KIF1B: variants seen among roughly 807,000 people sequenced by gnomAD.
KIF1B encodes kinesin-like protein KIF1B.
In KIF1B, 76 loss-of-function variants were observed where a neutral mutation model predicts 241.9. The observed-to-expected ratio is 0.31, with a 90% CI of 0.26 to 0.38. The LOEUF (loss-of-function observed/expected upper bound fraction) is 0.38, where lower values mean the gene tolerates loss of function less well. Among genes scored for constraint, KIF1B ranks in the 10% least tolerant of loss-of-function variants. The pLI, the probability that KIF1B is intolerant of heterozygous loss-of-function variation, is 1.00. For missense variants in KIF1B, 1,622 were observed against 2,271.4 expected (o/e 0.71, Z 5.81); for synonymous variants, 750 against 796.7 (o/e 0.94, Z 0.99).
In KIF1B at chr1:10,304,361, C is replaced by A. The variant is rs150769714; in HGVS notation, c.2115+7115C>A. On this transcript the variant is annotated intron_variant, in intron 22 of 48. Transcript: ENST00000676179. Reference sequence around the variant, plus strand: ...AGCAATTCTCTCAATAATGGCCAGCCGAAAAGTACGCGCTGCCAGGCATCT... The same window carrying A: ...AGCAATTCTCTCAATAATGGCCAGCAGAAAAGTACGCGCTGCCAGGCATCT... 1.2e-5 allele frequency: 20 copies of A among 1,614,056 alleles called. No homozygotes were observed. The African/African-American group carries it at 2.7e-4, about 22-fold the overall frequency.
chr1:10,364,935 G>A (rs1031086193), intron 41 of KIF1B, among the ~76,000 whole-genome samples, 165 bp from the exon 42 acceptor site: 1 of 151,594 alleles, frequency 6.6e-6, no homozygotes, highest in African/African-American at 2.4e-5. Flanking sequence ...GAACCCAGGA[G>A]GCGGAGCTTG....
In KIF1B at chr1:10,378,191, A is replaced by G. The variant is rs1638936285; in HGVS notation, c.*1604A>G. On this transcript the variant is annotated 3_prime_UTR_variant, in exon 49 of 49. Transcript: ENST00000676179. ...GTGACCACTACTCCAAACAAAACACAATATGCCTAGGGGCACGGATGAACG... is the reference window on the plus strand; with the variant it reads ...GTGACCACTACTCCAAACAAAACACGATATGCCTAGGGGCACGGATGAACG... 4.8e-6 allele frequency: 3 copies of G among 631,506 alleles called. No homozygotes were observed. In the South Asian group the frequency reaches 5.6e-5, roughly 12 times the overall value. The allele number at this position is 631,506 out of a possible 1,614,324, so 39.1% of individuals were successfully genotyped here.
At position 10,242,064 on chromosome 1, in the gene KIF1B, A is replaced by G. The variant is rs532442484; in HGVS notation, c.106+9630A>G. On this transcript the variant is annotated intron_variant, in intron 2 of 48. Transcript: ENST00000676179. ...GTGTTTAGGGATGAATGCCTTGTAC[A>G]TACATACAGGTGATAAGAATAAGAA... 9.2e-5 allele frequency among the ~76,000 whole-genome samples: 14 copies of G among 152,342 alleles called. No homozygotes were observed. The East Asian group carries it at 1.3e-3, about 15-fold the overall frequency.
intron 27 of KIF1B, among the ~76,000 whole-genome samples, chr1:10,328,335 TG>T (rs1162378628): frequency 6.6e-6 from 1 of 152,222 alleles, no homozygotes; most frequent in Middle Eastern, 3.2e-3. Context: ...AAGCCTCAAG[TG>T]TAACTGTAGG....
chr1:10,238,826 A>G (rs541940281), intron 2 of KIF1B, among the ~76,000 whole-genome samples: 1 of 152,372 alleles, frequency 6.6e-6, no homozygotes, highest in South Asian at 2.1e-4. Flanking sequence ...ATGTAAATGC[A>G]TGTAAATTAT....
At chr1:10,214,499 A>G (rs1302509067) in intron 1 of KIF1B, among the ~76,000 whole-genome samples, 1 of 146,600 alleles carries the variant, frequency 6.8e-6, no homozygotes, top group Admixed American at 6.7e-5. Context: ...CATGTTGGCC[A>G]GGCAGGTCTC....
chr1:10,252,087 T>G (rs1181106418), intron 2 of KIF1B, among the ~76,000 whole-genome samples: 1 of 152,190 alleles, frequency 6.6e-6, no homozygotes, highest in Non-Finnish European at 1.5e-5. Flanking sequence ...TTGCCCAGGC[T>G]GGAGTGCAGT....
Position 10,380,349 on chromosome 1 carries a change from T to G in KIF1B, c.*3762T>G, listed in dbSNP as rs1638990458. On this transcript the variant is annotated 3_prime_UTR_variant, in exon 49 of 49. Transcript: ENST00000676179. Reference sequence around the variant, plus strand: ...TCCAATGGACAGTATCAGGGCTTGTTTGACTTAGGTCTTTCAGTTTTCCTT... The same window carrying G: ...TCCAATGGACAGTATCAGGGCTTGTGTGACTTAGGTCTTTCAGTTTTCCTT... 4.9e-6 allele frequency: 1 copy of G among 205,154 alleles called. No homozygotes were observed. The highest frequency in any genetic ancestry group is 2.3e-5 in the African/African-American group (1 of 43,674). The allele number at this position is 205,154 out of a possible 1,614,324, so 12.7% of individuals were successfully genotyped here.
rs1267557716 is a variant in KIF1B, at chr1:10,239,594, TTTTTA to T, written c.106+7173_106+7177del. On this transcript the variant is annotated intron_variant, in intron 2 of 48. Coordinates refer to ENST00000676179, the MANE Select transcript of KIF1B (RefSeq NM_001365951.3). ...GATATTGAACCGTTTTCATTTTTAT[TTTTTA>T]TTTTATTTTATTATTATTATTTTTT... is the stretch of plus-strand genomic sequence containing the variant. Among the ~76,000 whole-genome samples, 4 of 152,064 alleles carry T rather than the reference TTTTTA, an allele frequency of 2.6e-5. No homozygotes were observed. The East Asian group carries it at 7.7e-4, about 29-fold the overall frequency.
intron 22 of KIF1B, among the ~76,000 whole-genome samples, chr1:10,300,256 A>AATT (rs1650473073): frequency 6.7e-6 from 1 of 148,444 alleles, no homozygotes; most frequent in Admixed American, 6.7e-5. Flanking sequence ...TAATAATAAT[A>AATT]ATAATAATAA....
intron 1 of KIF1B, chr1:10,211,747 C>T (rs1479733511): frequency 6.6e-6 from 1 of 151,854 alleles, no homozygotes; most frequent in African/African-American, 2.4e-5. Flanking sequence ...AGGTAAACTG[C>T]CTTCAAGATT....
chr1:10,346,474 C>T (rs189897372), intron 35 of KIF1B, among the ~76,000 whole-genome samples: 1 of 152,216 alleles, frequency 6.6e-6, no homozygotes, highest in African/African-American at 2.4e-5. Flanking sequence ...AAGCGATTCT[C>T]CTGCCTCAGC....
rs949357631 is a variant in KIF1B, at chr1:10,326,462, T to C, written c.2924+103T>C. ...ATAACCTTGCATTAGCCAATTCAAC[T>C]CATGAATGCTCTTTTTCAAGTTCTC... is the stretch of plus-strand genomic sequence containing the variant. On this transcript the variant is annotated intron_variant, in intron 27 of 48. Coordinates refer to ENST00000676179, the MANE Select transcript of KIF1B (RefSeq NM_001365951.3). The surrounding 1 kb of genome is among the most constrained non-coding windows in gnomAD (Gnocchi z 5.2). The C allele has an allele frequency of 9.3e-5, 130 of 1,399,084 alleles. No individual in the cohort carries two copies. Among genetic ancestry groups the C allele is most frequent in the Non-Finnish European group, 1.2e-4 (119 of 994,318 alleles). The allele number at this position is 1,399,084 out of a possible 1,614,324, so 86.7% of individuals were successfully genotyped here. A position where few individuals can be genotyped will look rare whatever the true frequency, so the allele number is the denominator to read the frequency against.
chr1:10,259,064 T>G (rs1647961319), intron 4 of KIF1B, among the ~76,000 whole-genome samples: 2 of 152,188 alleles, frequency 1.3e-5, no homozygotes, highest in African/African-American at 4.8e-5. Flanking sequence ...TTTTTGGTTT[T>G]TTTGATAGCC....
At chr1:10,228,135 A>T (rs972593897) in intron 1 of KIF1B, among the ~76,000 whole-genome samples, 1 of 152,102 alleles carries the variant, frequency 6.6e-6, no homozygotes, top group Non-Finnish European at 1.5e-5. Context: ...CAGTGAGCCA[A>T]GATCATGCCA....
In KIF1B at chr1:10,222,635, G is replaced by A. The variant is rs893353377; in HGVS notation, c.-79-9615G>A. ...TCCTTATAATCCGAAGTGCCTTTGA[G>A]GGCAAGTGGGAATTCTACAAGATCA... is the stretch of plus-strand genomic sequence containing the variant. On this transcript the variant is annotated intron_variant, in intron 1 of 48. Coordinates refer to ENST00000676179, the MANE Select transcript of KIF1B (RefSeq NM_001365951.3). 2.0e-5 allele frequency among the ~76,000 whole-genome samples: 3 copies of A among 152,118 alleles called. No individual in the cohort carries two copies. The South Asian group carries it at 6.2e-4, about 31-fold the overall frequency.
chr1:10,321,439 CCTT>C (rs1461739046), intron 23 of KIF1B, among the ~76,000 whole-genome samples: 1 of 151,544 alleles, frequency 6.6e-6, no homozygotes, highest in Non-Finnish European at 1.5e-5. Flanking sequence ...ACATGTTATA[CCTT>C]TTTTTAAAAA....
At chr1:10,305,247 A>G in intron 22 of KIF1B, 5 of 1,042,430 alleles carry the variant, frequency 4.8e-6, no homozygotes, top group Non-Finnish European at 5.8e-6. Context: ...CACAACTTCC[A>G]CGTCTTCTTT....
intron 1 of KIF1B, among the ~76,000 whole-genome samples, chr1:10,227,149 C>T (rs1646919996): frequency 6.7e-6 from 1 of 150,058 alleles, no homozygotes; most frequent in Non-Finnish European, 1.5e-5. Flanking sequence ...AATTCTTCTG[C>T]CTCAGCCTCC....
Sources: allele counts gnomAD v4.1 joint callset (sites outside exome capture counted in the v4.1 genomes callset), GRCh38; gene constraint gnomAD v4.1.1; non-coding constraint Gnocchi (gnomAD v3.1); transcripts MANE v1.5; gene names NCBI Gene and HGNC (gene_info 2026-07-23, HGNC 2026-07-21).